PPP2R1B: variants seen among roughly 807,000 people sequenced by gnomAD.
PPP2R1B encodes the protein serine/threonine-protein phosphatase 2A 65 kDa regulatory subunit A beta isoform.
PPP2R1B carries 58 observed loss-of-function variants against 72.7 expected under a neutral mutation model. The observed-to-expected ratio is 0.80, with a 90% confidence interval of 0.65 to 0.99. The LOEUF (loss-of-function observed/expected upper bound fraction) is 0.99, where lower values mean the gene tolerates loss of function less well. PPP2R1B is among the 50% of genes least tolerant of loss of function. The probability of loss-of-function intolerance (pLI) is 0.00; values close to 1 mark genes in which losing one functional copy is unlikely to be tolerated. For synonymous variants in PPP2R1B, 256 were observed against 264.6 expected, an observed-to-expected ratio of 0.97 and a Z score of 0.32; for missense variants, 695 against 733.6, an observed-to-expected ratio of 0.95 and a Z score of 0.61.
At chr11:111,710,856 C>T in the PPP2R1B span, among the ~76,000 whole-genome samples, 1 of 152,146 alleles carries the variant, frequency 6.6e-6, no homozygotes, top group African/African-American at 2.4e-5. Context: ...CATTTTGTCC[C>T]TTTGATTTGT....
At chr11:111,765,896 C>A in intron 1 of PPP2R1B, 1 of 502,128 alleles carries the variant, frequency 2.0e-6, no homozygotes. Context: ...CCAGCCCCGT[C>A]TCGGCCTGGC....
chr11:111,748,011 C>A lies in PPP2R1B; in HGVS notation c.1342G>T (p.Val448Leu). Residue 448 changes from valine (V) to leucine (L), a missense_variant, in exon 11 of 15, where the codon GTG becomes TTG. Physicochemically the swap from Val to Leu is conservative, Grantham distance 32. Coordinates refer to ENST00000527614, the MANE Select transcript of PPP2R1B (RefSeq NM_002716.5). ...TTCAGCTTTTCATCAAAGAATTCCA[C>A]ACCCTACAGATACAGAAGATTCCAT... ...YMPLLAGQLG[V>L]EFFDEKLNSL... 1 of 1,612,712 alleles carries A rather than the reference C, an allele frequency of 6.2e-7. No individual in the cohort carries two copies. The highest frequency in any genetic ancestry group is 1.1e-5 in the South Asian group (1 of 91,058).
chr11:111,757,583 C>T (rs1179649901), intron 5 of PPP2R1B, among the ~76,000 whole-genome samples: 1 of 152,108 alleles, frequency 6.6e-6, no homozygotes, highest in Non-Finnish European at 1.5e-5. Context: ...CACCTGTAAT[C>T]CCAGCACTTT....
chr11:111,746,215 G>C (rs1944697853), intron 11 of PPP2R1B, among the ~76,000 whole-genome samples: 1 of 152,070 alleles, frequency 6.6e-6, no homozygotes, highest in African/African-American at 2.4e-5. Flanking sequence ...AATGACTTGA[G>C]GCCAACCCAA....
downstream of PPP2R1B, among the ~76,000 whole-genome samples, chr11:111,734,451 A>C (rs1471500326): frequency 1.3e-5 from 2 of 152,204 alleles, no homozygotes; most frequent in Non-Finnish European, 2.9e-5. Context: ...GTCAAGCTCC[A>C]GTGTGGAAAA....
At chr11:111,726,770 T>A, downstream of PPP2R1B, 1 of 595,304 alleles carries the variant, frequency 1.7e-6, no homozygotes, top group Non-Finnish European at 3.0e-6. Flanking sequence ...TACTCTGAAG[T>A]ACTGACTTGC....
the PPP2R1B span, chr11:111,720,656 C>T: frequency 2.5e-6 from 4 of 1,614,080 alleles, no homozygotes; most frequent in South Asian, 4.4e-5. Context: ...TGAGACCTAC[C>T]AACCCAGCCA....
downstream of PPP2R1B, among the ~76,000 whole-genome samples, chr11:111,736,581 G>A (rs1397205865): frequency 2.6e-5 from 4 of 152,192 alleles, no homozygotes; most frequent in Non-Finnish European, 4.4e-5. Flanking sequence ...CTGCAGGAAC[G>A]GCTGGAGCTG....
In PPP2R1B at chr11:111,755,080, C is replaced by T; in HGVS notation, c.858G>A (p.Met286Ile). Residue 286 changes from methionine to isoleucine, a missense_variant, in exon 7 of 15, where the codon ATG becomes ATA. Transcript: ENST00000527614. ...GGTCATTTAGGGTGATTTTAGGACC[C>T]ATGGCTTTCTGGAGCTATAAAAGAA... ...ADRFSELQKA[M>I]GPKITLNDLI... The T allele has an allele frequency of 6.2e-7, 1 of 1,611,384 alleles. No individual in the cohort carries two copies. Among genetic ancestry groups the T allele is most frequent in the Non-Finnish European group, 8.5e-7 (1 of 1,178,188 alleles).
chr11:111,735,864 T>C (rs1422354630), downstream of PPP2R1B, among the ~76,000 whole-genome samples: 1 of 152,230 alleles, frequency 6.6e-6, no homozygotes, highest in Non-Finnish European at 1.5e-5. Flanking sequence ...GATGACTTCC[T>C]GGATCACTCA....
At chr11:111,709,922 G>A in the PPP2R1B span, among the ~76,000 whole-genome samples, 9 of 152,344 alleles carry the variant, frequency 5.9e-5, no homozygotes, top group East Asian at 9.6e-4. Context: ...CATTTAAAGC[G>A]TCCGAGCTAG....
rs779038400 is a variant in PPP2R1B at position 111,740,048 on chromosome 11, A to G, written c.*1548T>C. ...TAGAGGAGTCTTTGGGCCTTCACTA[A>G]ACAGAACAGGACTTGTTAGATTTAA... On this transcript the variant is annotated 3_prime_UTR_variant, in exon 15 of 15. Transcript: ENST00000527614. The G allele has an allele frequency of 7.1e-6, 7 of 985,270 alleles. No individual in the cohort carries two copies. The highest frequency in any genetic ancestry group is 8.4e-6 in the Non-Finnish European group (7 of 829,784). 61.0% of individuals were successfully genotyped at this position (985,270 alleles called of 1,614,324 possible). A position where few individuals can be genotyped will look rare whatever the true frequency, so the allele number is the denominator to read the frequency against.
chr11:111,755,000 G>A lies in PPP2R1B; in HGVS notation c.938C>T (p.Ala313Val). 6.2e-7 allele frequency: 1 copy of A among 1,613,006 alleles called. No individual in the cohort carries two copies. The highest frequency in any genetic ancestry group is 8.5e-7 in the Non-Finnish European group (1 of 1,179,092). ...TTAACCTTTTACTTTGTGGGCAGCA[G>A]CTGCCCGGACTTCAGCTTCACAGTC... ...LKDCEAEVRA[A>V]AAHKVKELGE... Residue 313 changes from alanine (A) to valine (V), a missense_variant, in exon 7 of 15, where the codon GCT becomes GTT. Coordinates refer to ENST00000527614, the MANE Select transcript of PPP2R1B (RefSeq NM_002716.5).
At chr11:111,737,656 C>T, downstream of PPP2R1B, 8 of 1,586,982 alleles carry the variant, frequency 5.0e-6, no homozygotes, top group Admixed American at 1.7e-5. Context: ...CCAGGATGCC[C>T]TCAGTTGTGC....
downstream of PPP2R1B, chr11:111,722,514 C>G: frequency 1.4e-6 from 1 of 709,892 alleles, no homozygotes; most frequent in Non-Finnish European, 2.3e-6. This position sits in a 1 kb window ranked among gnomAD's most constrained non-coding sequence, Gnocchi z 4.4. Context: ...GATGCTCTTT[C>G]AGGGTCTCAG....
At chr11:111,723,723 G>C (rs568139966), downstream of PPP2R1B, 10 of 1,614,094 alleles carry the variant, frequency 6.2e-6, no homozygotes, top group East Asian at 2.2e-4. Flanking sequence ...CCTTTCCTCA[G>C]CCAGTACCAA....
intron 3 of PPP2R1B, among the ~76,000 whole-genome samples, chr11:111,764,084 G>A (rs914208203): frequency 2.6e-5 from 4 of 152,096 alleles, no homozygotes; most frequent in Admixed American, 6.6e-5. Flanking sequence ...CTGATCACCC[G>A]GAGTGAATCC....
downstream of PPP2R1B, chr11:111,721,955 T>TC: frequency 6.4e-7 from 1 of 1,551,734 alleles, no homozygotes. Context: ...GTCCTTCTCC[T>TC]TGCGAGTCCA....
intron 9 of PPP2R1B, 99 bp from the exon 10 acceptor site, chr11:111,752,431 G>A: frequency 1.7e-6 from 2 of 1,193,546 alleles, no homozygotes; most frequent in Non-Finnish European, 2.3e-6. Flanking sequence ...TAAGACTCAG[G>A]TGAAAAAAAA....
Sources: gnomAD v4.1 joint callset for allele counts (sites outside exome capture counted in the v4.1 genomes callset) on GRCh38, gnomAD v4.1.1 for gene constraint, Gnocchi (gnomAD v3.1) non-coding constraint, MANE v1.5 for transcripts, NCBI Gene and HGNC (gene_info 2026-07-23, HGNC 2026-07-21) for gene names.